The following CAMKMT variants were observed in gnomAD, a reference collection of about 807,000 sequenced individuals.
CAMKMT encodes calmodulin-lysine N-methyltransferase.
Under a neutral mutation model 48.0 loss-of-function variants are expected in CAMKMT, and 53 were observed. That is an observed-to-expected ratio of 1.10 (90% CI 0.89 to 1.39). The LOEUF (loss-of-function observed/expected upper bound fraction) is 1.39. Ranked by LOEUF, CAMKMT falls within the 40% of genes most tolerant of loss-of-function variation. The pLI is 0.00. For synonymous variants in CAMKMT, 165 were observed against 152.3 expected, an observed-to-expected ratio of 1.08 and a Z score of -0.61; for missense variants, 428 against 402.7, an observed-to-expected ratio of 1.06 and a Z score of -0.54.
intron 3 of CAMKMT, among the ~76,000 whole-genome samples, chr2:44,624,293 G>T (rs776963735): frequency 2.0e-5 from 3 of 151,638 alleles, no homozygotes; most frequent in Admixed American, 1.3e-4. Context: ...GGAATGGCTG[G>T]GTTTTTTTTC....
intron 3 of CAMKMT, among the ~76,000 whole-genome samples, chr2:44,467,330 G>A (rs764265410): frequency 4.6e-5 from 7 of 151,922 alleles, no homozygotes; most frequent in African/African-American, 7.3e-5. Flanking sequence ...TCAGGAGTTC[G>A]AGACCAGCCT....
chr2:44,716,818 G>A (rs1678198179), intron 7 of CAMKMT, among the ~76,000 whole-genome samples: 1 of 152,162 alleles, frequency 6.6e-6, no homozygotes, highest in Admixed American at 6.5e-5. Context: ...AAGGTCATTT[G>A]TGAGCATTTG....
At chr2:44,427,792 A>G (rs1424759863) in intron 3 of CAMKMT, among the ~76,000 whole-genome samples, 2 of 152,138 alleles carry the variant, frequency 1.3e-5, no homozygotes, top group Admixed American at 6.5e-5. Context: ...ACCAGACCAT[A>G]TATTTTTCTG....
At chr2:44,443,316 G>A (rs1164305589) in intron 3 of CAMKMT, among the ~76,000 whole-genome samples, 1 of 152,098 alleles carries the variant, frequency 6.6e-6, no homozygotes, top group Non-Finnish European at 1.5e-5. Context: ...TCCCTGGTAT[G>A]CTATGGGGAA....
At chr2:44,469,991 T>C (rs1256126639) in intron 3 of CAMKMT, among the ~76,000 whole-genome samples, 2 of 152,078 alleles carry the variant, frequency 1.3e-5, no homozygotes, top group African/African-American at 2.4e-5. Flanking sequence ...CTAGCTTGTT[T>C]GGACATAATA....
intron 3 of CAMKMT, among the ~76,000 whole-genome samples, chr2:44,521,025 A>C (rs1215142359): frequency 6.6e-6 from 1 of 152,222 alleles, no homozygotes; most frequent in Non-Finnish European, 1.5e-5. Context: ...TCTTCATAGC[A>C]GAGTGAGAAC....
intron 3 of CAMKMT, among the ~76,000 whole-genome samples, chr2:44,448,975 C>T (rs994720607): frequency 1.3e-5 from 2 of 152,088 alleles, no homozygotes; most frequent in Admixed American, 6.5e-5. Flanking sequence ...TTGCCTCGTG[C>T]AGGAAACTAG....
chr2:44,581,699 T>TA (rs1459348397), intron 3 of CAMKMT, among the ~76,000 whole-genome samples: 3 of 152,352 alleles, frequency 2.0e-5, no homozygotes, highest in African/African-American at 7.2e-5. Context: ...TGGCTGTTTT[T>TA]AAAAAATCTA....
intron 1 of CAMKMT, among the ~76,000 whole-genome samples, chr2:44,369,025 A>G (rs1366784551): frequency 6.6e-6 from 1 of 152,090 alleles, no homozygotes; most frequent in Non-Finnish European, 1.5e-5. Flanking sequence ...ACCTGGGATT[A>G]CAGGTGCATG....
At chr2:44,420,444 C>A (rs956370323) in intron 3 of CAMKMT, among the ~76,000 whole-genome samples, 1 of 152,082 alleles carries the variant, frequency 6.6e-6, no homozygotes, top group African/African-American at 2.4e-5. Context: ...TGACTCCTCC[C>A]TAATCAAAAA....
chr2:44,740,124 ATTT>A (rs753300790), intron 7 of CAMKMT, among the ~76,000 whole-genome samples: 1,252 of 120,170 alleles, frequency 0.01, 14 homozygotes, highest in African/African-American at 0.036. Flanking sequence ...TGATTGCTGC[ATTT>A]TTTTTTTTTT....
intron 3 of CAMKMT, chr2:44,393,672 A>G (rs1681559376): frequency 6.6e-6 from 1 of 152,184 alleles, no homozygotes; most frequent in South Asian, 2.1e-4. Flanking sequence ...AGGGAAGAGT[A>G]TAGGATGACA....
At chr2:44,714,891 C>T (rs1007395629) in intron 6 of CAMKMT, among the ~76,000 whole-genome samples, 3 of 152,128 alleles carry the variant, frequency 2.0e-5, no homozygotes, top group Non-Finnish European at 2.9e-5. Context: ...CTGTGCTCAT[C>T]CCATGTATGA....
chr2:44,419,836 C>G (rs1572829933), intron 3 of CAMKMT, among the ~76,000 whole-genome samples: 1 of 152,138 alleles, frequency 6.6e-6, no homozygotes, highest in Non-Finnish European at 1.5e-5. Context: ...CCACTGCACT[C>G]TAGCCTGGGC....
chr2:44,371,033 G>A (rs983091590), intron 1 of CAMKMT, among the ~76,000 whole-genome samples: 3 of 152,134 alleles, frequency 2.0e-5, no homozygotes, highest in Non-Finnish European at 4.4e-5. Flanking sequence ...CAACCAGGCT[G>A]GAGTGCAATG....
chr2:44,768,342 G>GATATATATATATATATATAT (rs35422115), intron 10 of CAMKMT, among the ~76,000 whole-genome samples: 6 of 111,446 alleles, frequency 5.4e-5, no homozygotes, highest in East Asian at 2.3e-4. Flanking sequence ...GGGCGCCCAT[G>GATATATATATATATATATAT]ATATATATAT....
chr2:44,535,256 G>C (rs1490617555), intron 3 of CAMKMT, among the ~76,000 whole-genome samples: 2 of 152,044 alleles, frequency 1.3e-5, no homozygotes, highest in Non-Finnish European at 2.9e-5. Flanking sequence ...GTAATAAAAA[G>C]TCTCCCAACA....
chr2:44,710,886 T>C (rs1051356736), intron 6 of CAMKMT, among the ~76,000 whole-genome samples: 2 of 152,226 alleles, frequency 1.3e-5, no homozygotes, highest in African/African-American at 4.8e-5. Context: ...CTAGCAGTTC[T>C]ATGCAGAAAA....
At chr2:44,556,026 G>C (rs187625350) in intron 3 of CAMKMT, among the ~76,000 whole-genome samples, 32 of 152,216 alleles carry the variant, frequency 2.1e-4, no homozygotes, top group African/African-American at 6.3e-4. Flanking sequence ...TCAAGACATG[G>C]GGCAGCAGAA....
Sources: allele counts gnomAD v4.1 joint callset (sites outside exome capture counted in the v4.1 genomes callset), GRCh38; gene constraint gnomAD v4.1.1; transcripts MANE v1.5; gene names NCBI Gene and HGNC (gene_info 2026-07-23, HGNC 2026-07-21).